The following KIAA1328 variants were observed in gnomAD, a reference collection of about 807,000 sequenced individuals.
KIAA1328 encodes the protein protein hinderin.
KIAA1328 carries 52 observed loss-of-function variants against 68.1 expected under a neutral mutation model. The observed-to-expected ratio is 0.76, with a 90% CI of 0.61 to 0.96. KIAA1328 has a LOEUF of 0.96. Among genes scored for constraint, KIAA1328 ranks in the 40% least tolerant of loss-of-function variants. The probability of loss-of-function intolerance (pLI) is 0.00; values close to 1 mark genes in which losing one functional copy is unlikely to be tolerated. For synonymous variants in KIAA1328, 232 were observed against 239.4 expected, an observed-to-expected ratio of 0.97 and a Z score of 0.28; for missense variants, 641 against 677.6, an observed-to-expected ratio of 0.95 and a Z score of 0.60.
At chr18:36,948,585 T>C (rs2051006658) in intron 5 of KIAA1328, among the ~76,000 whole-genome samples, 1 of 146,508 alleles carries the variant, frequency 6.8e-6, no homozygotes, top group African/African-American at 2.5e-5. Flanking sequence ...AGTCTCACTC[T>C]GTTGCCCAGG....
At chr18:37,040,674 T>A (rs540255492) in intron 6 of KIAA1328, among the ~76,000 whole-genome samples, 3 of 151,808 alleles carry the variant, frequency 2.0e-5, no homozygotes, top group African/African-American at 2.4e-5. Flanking sequence ...TTTTTTTTCC[T>A]TTTCTGATAT....
chr18:37,084,038 T>G (rs928760431), intron 7 of KIAA1328: 1 of 552,258 alleles, frequency 1.8e-6, no homozygotes. Flanking sequence ...TCTGGGGATC[T>G]AGCTGAAAGA....
Position 37,224,401 on chromosome 18 carries a change from C to A in KIAA1328, c.*2174C>A, listed in dbSNP as rs1038346870. 1.5e-5 allele frequency: 15 copies of A among 985,316 alleles called. No individual in the cohort carries two copies. The highest frequency in any genetic ancestry group is 1.8e-5 in the Non-Finnish European group (15 of 829,928). The allele number at this position is 985,316 out of a possible 1,614,324, so 61.0% of individuals were successfully genotyped here. A position where few individuals can be genotyped will look rare whatever the true frequency, so the allele number is the denominator to read the frequency against. On this transcript the variant is annotated 3_prime_UTR_variant, in exon 10 of 10. Coordinates refer to ENST00000280020, the MANE Select transcript of KIAA1328 (RefSeq NM_020776.3). ...TCCATGAATGGCCAATTTGGAAAAG[C>A]AGAGATGGGCTTTCAGCAGAATATC...
downstream of KIAA1328, among the ~76,000 whole-genome samples, chr18:37,226,582 A>G (rs2060639314): frequency 6.6e-6 from 1 of 152,202 alleles, no homozygotes; most frequent in South Asian, 2.1e-4. Context: ...CTTTCACAGC[A>G]TAACGTTTTC....
chr18:36,952,004 A>G (rs1044686834), intron 5 of KIAA1328, among the ~76,000 whole-genome samples: 1 of 152,220 alleles, frequency 6.6e-6, no homozygotes, highest in Non-Finnish European at 1.5e-5. Flanking sequence ...GATAAAATCT[A>G]AACAACTTAG....
intron 7 of KIAA1328, among the ~76,000 whole-genome samples, chr18:37,154,867 G>T (rs1438851536): frequency 6.6e-6 from 1 of 151,902 alleles, no homozygotes. Flanking sequence ...TCATTTTTCT[G>T]CCAGTCTTTT....
At chr18:36,881,706 T>A (rs2048333858) in intron 4 of KIAA1328, among the ~76,000 whole-genome samples, 1 of 152,352 alleles carries the variant, frequency 6.6e-6, no homozygotes, top group Non-Finnish European at 1.5e-5. Context: ...TGGAATCATA[T>A]ATGTGATCTT....
intron 5 of KIAA1328, 52 bp downstream of exon 5, chr18:36,885,724 T>C (rs1434117818): frequency 9.1e-6 from 6 of 662,448 alleles, no homozygotes; most frequent in Non-Finnish European, 1.3e-5. Flanking sequence ...TGACTATTTC[T>C]TTTTTTTTTT....
intron 6 of KIAA1328, among the ~76,000 whole-genome samples, chr18:37,014,390 C>CAATTTATAACAATT (rs2054079104): frequency 6.6e-6 from 1 of 152,136 alleles, no homozygotes; most frequent in Admixed American, 6.5e-5. Flanking sequence ...CTTCTGAGAA[C>CAATTTATAACAATT]CTAGTTATAA....
intron 4 of KIAA1328, among the ~76,000 whole-genome samples, chr18:36,851,082 T>G (rs763761474): frequency 5.3e-5 from 8 of 152,004 alleles, no homozygotes; most frequent in Admixed American, 2.0e-4. Context: ...GTTTTTGTGG[T>G]TTTTTTTCTG....
intron 9 of KIAA1328, among the ~76,000 whole-genome samples, chr18:37,195,407 G>A (rs1314292074): frequency 2.4e-4 from 37 of 152,098 alleles, no homozygotes; most frequent in Non-Finnish European, 1.5e-5. Context: ...ATGTCCTGTA[G>A]CATCTCCTTA....
chr18:37,214,184 T>C (rs1369442387), intron 9 of KIAA1328, among the ~76,000 whole-genome samples: 3 of 152,242 alleles, frequency 2.0e-5, no homozygotes, highest in African/African-American at 7.2e-5. Context: ...TTGGCTTTTG[T>C]TGCCATTGCT....
At chr18:37,168,544 C>T (rs1198254245) in intron 8 of KIAA1328, among the ~76,000 whole-genome samples, 1 of 152,116 alleles carries the variant, frequency 6.6e-6, no homozygotes, top group African/African-American at 2.4e-5. Flanking sequence ...AAAGAAACTG[C>T]AGTACATAAA....
At chr18:37,075,746 A>T (rs1248994239) in intron 7 of KIAA1328, 2 of 152,248 alleles carry the variant, frequency 1.3e-5, no homozygotes, top group Non-Finnish European at 1.5e-5. Context: ...AGGCCATTAC[A>T]TAATGGTAAA....
chr18:37,037,719 A>G (rs1191268276), intron 6 of KIAA1328, among the ~76,000 whole-genome samples: 1 of 151,658 alleles, frequency 6.6e-6, no homozygotes, highest in Middle Eastern at 3.2e-3. Flanking sequence ...CCCCATCTCC[A>G]GCCTCCACCC....
At chr18:36,834,138 A>G (rs1327481426) in intron 1 of KIAA1328, 182 bp from the exon 2 acceptor site, 5 of 998,744 alleles carry the variant, frequency 5.0e-6, no homozygotes. Context: ...ATTTAATTCA[A>G]TTACTTTGCT....
intron 5 of KIAA1328, among the ~76,000 whole-genome samples, chr18:36,932,792 A>T (rs2050359378): frequency 6.6e-6 from 1 of 152,346 alleles, no homozygotes; most frequent in South Asian, 2.1e-4. Context: ...GGATTAAAAG[A>T]CGCAGTGGGG....
intron 4 of KIAA1328, among the ~76,000 whole-genome samples, chr18:36,878,971 A>G (rs1400576143): frequency 6.6e-6 from 1 of 152,156 alleles, no homozygotes; most frequent in Non-Finnish European, 1.5e-5. Flanking sequence ...ATGCTCCTTT[A>G]GCTCAGAGGA....
intron 6 of KIAA1328, among the ~76,000 whole-genome samples, chr18:36,994,449 T>A (rs917967010): frequency 7.9e-5 from 12 of 152,174 alleles, no homozygotes; most frequent in South Asian, 2.1e-4. Flanking sequence ...ACTCCAAACA[T>A]GTATTTCTTT....
Sources: gnomAD v4.1 joint callset for allele counts (sites outside exome capture counted in the v4.1 genomes callset) on GRCh38, gnomAD v4.1.1 for gene constraint, MANE v1.5 for transcripts, NCBI Gene and HGNC (gene_info 2026-07-23, HGNC 2026-07-21) for gene names.